Variants in FCGR3A observed in about 807,000 individuals in gnomAD.
The protein encoded by FCGR3A is low affinity immunoglobulin gamma Fc region receptor III-A.
In FCGR3A, 13 loss-of-function variants were observed where a neutral mutation model predicts 24.1. The observed-to-expected ratio is 0.54, with a 90% CI of 0.35 to 0.86. The LOEUF (loss-of-function observed/expected upper bound fraction) is 0.86. FCGR3A is among the 40% of genes least tolerant of loss of function. The pLI is 0.01. For synonymous variants in FCGR3A, 93 were observed against 112.2 expected, an observed-to-expected ratio of 0.83 and a Z score of 1.08; for missense variants, 235 against 298.0, an observed-to-expected ratio of 0.79 and a Z score of 1.56.
Position 161,542,970 on chromosome 1 carries a change from G to T in FCGR3A, c.*42C>A. The T allele has an allele frequency of 6.6e-7, 1 of 1,506,114 alleles. No individual in the cohort carries two copies. The highest frequency in any genetic ancestry group is 9.1e-7 in the Non-Finnish European group (1 of 1,103,386). 93.3% of individuals were successfully genotyped at this position (1,506,114 alleles called of 1,614,324 possible). On this transcript the variant is annotated 3_prime_UTR_variant, in exon 5 of 5. Coordinates refer to ENST00000443193, the MANE Select transcript of FCGR3A (RefSeq NM_000569.8). ...TTGCAAATCCAGAGAAATGTTCAGA[G>T]ATGCTGCTGCTACTGCTCTTATTAC...
rs928371796 is a variant in FCGR3A at position 161,542,910 on chromosome 1, C to T, written c.*102G>A. On this transcript the variant is annotated 3_prime_UTR_variant, in exon 5 of 5. Coordinates refer to ENST00000443193, the MANE Select transcript of FCGR3A (RefSeq NM_000569.8). Reference sequence around the variant, plus strand: ...GGATCTGGCTCTGAGTTCTATGTTTCCTGCTGCTTGTAGAGAGGCCTGAGG... The same window carrying T: ...GGATCTGGCTCTGAGTTCTATGTTTTCTGCTGCTTGTAGAGAGGCCTGAGG... The T allele has an allele frequency of 2.1e-5, 19 of 904,308 alleles. No homozygotes were observed. The highest frequency in any genetic ancestry group is 4.8e-5 in the Admixed American group (2 of 41,542). 56.0% of individuals were successfully genotyped at this position (904,308 alleles called of 1,614,324 possible). A position where few individuals can be genotyped will look rare whatever the true frequency, so the allele number is the denominator to read the frequency against.
chr1:161,548,945 T>C, intron 2 of FCGR3A, 66 bp downstream of exon 2: 1 of 1,557,440 alleles, frequency 6.4e-7, no homozygotes, highest in East Asian at 2.2e-5. Flanking sequence ...CATTTCCCAA[T>C]ATCTTATGGC....
chr1:161,549,960 G>A (rs1024627360), upstream of FCGR3A: 11 of 1,242,618 alleles, frequency 8.9e-6, no homozygotes, highest in Middle Eastern at 1.9e-4. Flanking sequence ...TGGAGGCAAG[G>A]TGGGTGGGTC....
intron 3 of FCGR3A, among the ~76,000 whole-genome samples, chr1:161,548,060 T>C (rs1234450267): frequency 1.3e-5 from 2 of 152,280 alleles, no homozygotes; most frequent in Non-Finnish European, 2.9e-5. Flanking sequence ...GACAGAGTGA[T>C]ACTCTGTCTC....
chr1:161,549,906 G>A, upstream of FCGR3A: 1 of 1,578,278 alleles, frequency 6.3e-7, no homozygotes, highest in South Asian at 1.2e-5. Flanking sequence ...CTGAAGTCTG[G>A]CAAGGGAGCC....
intron 1 of FCGR3A, 137 bp downstream of exon 1, chr1:161,549,560 G>A (rs1336495532): frequency 4.8e-6 from 7 of 1,466,220 alleles, no homozygotes; most frequent in Non-Finnish European, 5.4e-6. Flanking sequence ...GCTTGTCCTA[G>A]GAGCTCAATC....
rs780903305 is a variant in FCGR3A at position 161,543,069 on chromosome 1, T to G, written c.708A>C (p.Ser236=). 8 of 1,613,370 alleles carry G rather than the reference T, an allele frequency of 5.0e-6. No individual in the cohort carries two copies. In the Admixed American group the frequency reaches 8.3e-5, roughly 17 times the overall value. Residue 236 remains serine (S), a synonymous_variant, in exon 5 of 5, where the codon TCA becomes TCC. Transcript: ENST00000443193. ...YFSVKTNIRS[S]TRDWKDHKFK... Reference sequence around the variant, plus strand: ...ATTTATGGTCCTTCCAGTCTCTTGTTGAGCTTCGAATGTTTGTCTTCACAG... The same window carrying G: ...ATTTATGGTCCTTCCAGTCTCTTGTGGAGCTTCGAATGTTTGTCTTCACAG...
At chr1:161,549,917 C>G, upstream of FCGR3A, 1 of 1,558,276 alleles carries the variant, frequency 6.4e-7, no homozygotes, top group Non-Finnish European at 8.7e-7. Context: ...CAAGGGAGCC[C>G]CACCATAGAA....
intron 1 of FCGR3A, among the ~76,000 whole-genome samples, chr1:161,549,475 G>T (rs1485433042): frequency 6.6e-6 from 1 of 152,018 alleles, no homozygotes; most frequent in Non-Finnish European, 1.5e-5. Flanking sequence ...GACCCAGAGG[G>T]GTGAAGTGAC....
At chr1:161,549,820 G>A (rs116551919), upstream of FCGR3A, 324 of 1,613,686 alleles carry the variant, frequency 2.0e-4, 4 homozygotes, top group African/African-American at 3.8e-3. Context: ...GAAGTAAACA[G>A]CCTTTCCCCA....
rs771778975 is a variant in FCGR3A, at chr1:161,548,462, A to T, written c.278T>A (p.Leu93His). 8.1e-6 allele frequency: 13 copies of T among 1,613,958 alleles called. No individual in the cohort carries two copies. The Admixed American group carries it at 2.2e-4, about 27-fold the overall frequency. Residue 93 changes from leucine to histidine, a missense_variant, in exon 3 of 5, where the codon CTC becomes CAC. By Grantham distance (99) the Leu-to-His change is moderately conservative. Coordinates refer to ENST00000443193, the MANE Select transcript of FCGR3A (RefSeq NM_000569.8). The stretch of plus-strand genomic sequence containing the variant: ...CTGCACCGGGTCACTGAGGGTGGAG[A>T]GGTTTGTCTGGCACCTGTACTCTCC... ...DSGEYRCQTN[L>H]STLSDPVQLE...
At chr1:161,543,315 G>C in intron 4 of FCGR3A, 116 bp from the exon 5 acceptor site, 1 of 1,199,528 alleles carries the variant, frequency 8.3e-7, no homozygotes, top group Non-Finnish European at 1.2e-6. Flanking sequence ...GCAAGTGGTA[G>C]GAATGGTGGG....
chr1:161,542,050 C>T lies in FCGR3A; in HGVS notation c.*962G>A, dbSNP rs1042249. 8 of 152,112 alleles carry T rather than the reference C, an allele frequency of 5.3e-5. No individual in the cohort carries two copies. The highest frequency in any genetic ancestry group is 2.1e-4 in the South Asian group (1 of 4,808). The allele number at this position is 152,112 out of a possible 1,614,324, so 9.4% of individuals were successfully genotyped here. A position where few individuals can be genotyped will look rare whatever the true frequency, so the allele number is the denominator to read the frequency against. On this transcript the variant is annotated 3_prime_UTR_variant, in exon 5 of 5. Coordinates refer to ENST00000443193, the MANE Select transcript of FCGR3A (RefSeq NM_000569.8). Reference sequence around the variant, plus strand: ...TTAATAAATGCAATGAACAAAGCTACACAGGAATTAGATATTGAAGCAGAA... The same window carrying T: ...TTAATAAATGCAATGAACAAAGCTATACAGGAATTAGATATTGAAGCAGAA...
chr1:161,546,111 T>C (rs1677382372), intron 3 of FCGR3A, among the ~76,000 whole-genome samples: 2 of 152,112 alleles, frequency 1.3e-5, no homozygotes, highest in Admixed American at 1.3e-4. Flanking sequence ...AAAAATCTAC[T>C]ACCTGATGCT....
Position 161,548,600 on chromosome 1 carries a change from C to T in FCGR3A, c.140G>A (p.Cys47Tyr), listed in dbSNP as rs775885096. The T allele has an allele frequency of 3.1e-6, 5 of 1,613,988 alleles. No homozygotes were observed. Among genetic ancestry groups the T allele is most frequent in the East Asian group, 2.2e-5 (1 of 44,890 alleles). The part of the protein sequence containing the change: ...VLEKDSVTLK[C>Y]QGAYSPEDNS... ...GTCCTCAGGGGAGTAGGCTCCCTGGCACTTCAGAGTCACACTGTCCTTCTC... is the reference window on the plus strand; with the variant it reads ...GTCCTCAGGGGAGTAGGCTCCCTGGTACTTCAGAGTCACACTGTCCTTCTC... The change falls in exon 3 of 5, where the codon TGC becomes TAC. Residue 47 changes from cysteine (C) to tyrosine (Y), a missense_variant. Coordinates refer to ENST00000443193, the MANE Select transcript of FCGR3A (RefSeq NM_000569.8).
rs114559215 is a variant in FCGR3A, at chr1:161,542,870, C to T, written c.*142G>A. The T allele has an allele frequency of 7.8e-5, 51 of 653,170 alleles. No individual in the cohort carries two copies. The highest frequency in any genetic ancestry group is 9.4e-5 in the Non-Finnish European group (37 of 394,796). 40.5% of individuals were successfully genotyped at this position (653,170 alleles called of 1,614,324 possible). A position where few individuals can be genotyped will look rare whatever the true frequency, so the allele number is the denominator to read the frequency against. On this transcript the variant is annotated 3_prime_UTR_variant, in exon 5 of 5. Coordinates refer to ENST00000443193, the MANE Select transcript of FCGR3A (RefSeq NM_000569.8). Reference sequence around the variant, plus strand: ...CTTCCACTGGAGACCAAGGAAAAGTCGAGAGTTGGATAAGGGATCTGGCTC... The same window carrying T: ...CTTCCACTGGAGACCAAGGAAAAGTTGAGAGTTGGATAAGGGATCTGGCTC...
At chr1:161,548,218 T>C (rs1677529754) in intron 3 of FCGR3A, among the ~76,000 whole-genome samples, 1 of 152,308 alleles carries the variant, frequency 6.6e-6, no homozygotes, top group South Asian at 2.1e-4. Flanking sequence ...CAGTCCTATA[T>C]CTACTGTCTG....
At chr1:161,545,924 A>G (rs890684586) in intron 3 of FCGR3A, 8 of 152,262 alleles carry the variant, frequency 5.3e-5, no homozygotes, top group Non-Finnish European at 1.0e-4. Flanking sequence ...ATGCACTTAC[A>G]TATTAACAGG....
Position 161,542,376 on chromosome 1 carries a change from T to A in FCGR3A, c.*636A>T, listed in dbSNP as rs1677155290. The A allele has an allele frequency of 1.3e-5, 2 of 152,028 alleles. No individual in the cohort carries two copies. The highest frequency in any genetic ancestry group is 4.2e-4 in the South Asian group (2 of 4,786). The allele number at this position is 152,028 out of a possible 1,614,324, so 9.4% of individuals were successfully genotyped here. A position where few individuals can be genotyped will look rare whatever the true frequency, so the allele number is the denominator to read the frequency against. ...GTTATATACTTGGAGATGGTCCAGT[T>A]CTGATAGAGTCCCCTGGAAGACTCA... On this transcript the variant is annotated 3_prime_UTR_variant, in exon 5 of 5. Transcript: ENST00000443193.
Sources: allele counts gnomAD v4.1 joint callset (sites outside exome capture counted in the v4.1 genomes callset), GRCh38; gene constraint gnomAD v4.1.1; transcripts MANE v1.5; gene names NCBI Gene and HGNC (gene_info 2026-07-23, HGNC 2026-07-21).